BICD1: variants seen among roughly 807,000 people sequenced by gnomAD.
BICD1 encodes the protein BICD cargo adaptor 1.
BICD1 carries 35 observed loss-of-function variants against 92.5 expected under a neutral mutation model. The observed-to-expected ratio is 0.38, with a 90% CI of 0.29 to 0.50. The LOEUF (loss-of-function observed/expected upper bound fraction) is 0.50. BICD1 is among the 20% of genes least tolerant of loss of function. BICD1 has a pLI of 0.93. For synonymous variants in BICD1, 429 were observed against 465.1 expected, an observed-to-expected ratio of 0.92 and a Z score of 1.00; for missense variants, 950 against 1,189.8, an observed-to-expected ratio of 0.80 and a Z score of 2.97.
At chr12:32,246,825 C>A (rs1946401092) in intron 2 of BICD1, among the ~76,000 whole-genome samples, 1 of 152,096 alleles carries the variant, frequency 6.6e-6, no homozygotes, top group Admixed American at 6.5e-5. Context: ...ATGAAACTTA[C>A]AGTCAAGTGT....
Position 32,153,773 on chromosome 12 carries a change from A to T in BICD1, c.213+46229A>T, listed in dbSNP as rs552170283. On this transcript the variant is annotated intron_variant, in intron 1 of 9. Transcript: ENST00000652176. ...TTTGTATATATATGTGTGTGTACAT[A>T]TATATATATGTGTGTGTGTGTGTGT... Among the ~76,000 whole-genome samples, 26 of 148,846 alleles carry T rather than the reference A, an allele frequency of 1.7e-4. No homozygotes were observed. In the South Asian group the frequency reaches 5.4e-3, roughly 31 times the overall value.
intron 2 of BICD1, among the ~76,000 whole-genome samples, chr12:32,217,419 TATAAG>T: frequency 6.6e-6 from 1 of 152,212 alleles, no homozygotes; most frequent in Non-Finnish European, 1.5e-5. Flanking sequence ...GCTTCACTAT[TATAAG>T]ATATAAGTTG....
chr12:32,206,728 A>G (rs189593169), intron 1 of BICD1, among the ~76,000 whole-genome samples: 1 of 152,364 alleles, frequency 6.6e-6, no homozygotes. Flanking sequence ...AAGACTGGAA[A>G]CAATCCAATC....
intron 8 of BICD1, among the ~76,000 whole-genome samples, chr12:32,355,385 A>G (rs1184688216): frequency 1.3e-5 from 2 of 152,302 alleles, no homozygotes; most frequent in East Asian, 1.9e-4. Context: ...ATTCCCTAGC[A>G]AAGTGTTGTG....
chr12:32,294,747 G>A (rs75383163), intron 3 of BICD1, among the ~76,000 whole-genome samples: 3,060 of 151,778 alleles, frequency 0.02, 116 homozygotes, highest in African/African-American at 0.07. Context: ...AAATCGTAGA[G>A]GGGAATGGAT....
At chr12:32,110,633 G>A (rs1026577180) in intron 1 of BICD1, among the ~76,000 whole-genome samples, 4 of 152,098 alleles carry the variant, frequency 2.6e-5, no homozygotes, top group African/African-American at 9.7e-5. Context: ...AGCACTGTGC[G>A]CCTGTCACCC....
At chr12:32,302,196 A>AT (rs1319965770) in intron 3 of BICD1, among the ~76,000 whole-genome samples, 3 of 152,166 alleles carry the variant, frequency 2.0e-5, no homozygotes, top group East Asian at 3.9e-4. Context: ...CGAACTTTTG[A>AT]TTTTTTTAAA....
rs773856321 is a variant in BICD1 at position 32,165,015 on chromosome 12, A to G, written c.214-51232A>G. 6.2e-4 allele frequency among the ~76,000 whole-genome samples: 94 copies of G among 152,168 alleles called. 1 individual carries two copies. Among genetic ancestry groups the G allele is most frequent in the Non-Finnish European group, 1.1e-3 (76 of 68,024 alleles). Reference sequence around the variant, plus strand: ...TGACACTGCTCTGCTTTGCTGAAGCACAGGGAGGTCTCTCGAGAAAGATCC... The same window carrying G: ...TGACACTGCTCTGCTTTGCTGAAGCGCAGGGAGGTCTCTCGAGAAAGATCC... On this transcript the variant is annotated intron_variant, in intron 1 of 9. Coordinates refer to ENST00000652176, the MANE Select transcript of BICD1 (RefSeq NM_001714.4).
intron 1 of BICD1, among the ~76,000 whole-genome samples, chr12:32,148,142 C>CAAAAAAAAAAAAA (rs10525262): frequency 0.45 from 27,081 of 59,988 alleles, 6,489 homozygotes; most frequent in Admixed American, 0.56. Flanking sequence ...ACTCCGTCTC[C>CAAAAAAAAAAAAA]AAAAAAAAAA....
intron 1 of BICD1, among the ~76,000 whole-genome samples, chr12:32,121,488 G>A (rs1214545028): frequency 6.6e-6 from 1 of 151,834 alleles, no homozygotes. Flanking sequence ...AGCTACTTGG[G>A]AGGCTGAGGC....
In BICD1 at chr12:32,334,645, C is replaced by G; in HGVS notation, c.2230C>G (p.Leu744Val). Reference sequence around the variant, plus strand: ...AGAAGATGCTGCAACCTTCTCATCCCTGAGAGCAATGTTTGCAACAAGGTA... The same window carrying G: ...AGAAGATGCTGCAACCTTCTCATCCGTGAGAGCAATGTTTGCAACAAGGTA... ...LKEDAATFSSLRAMFATRCDE... is the reference protein window; with the variant it reads ...LKEDAATFSSVRAMFATRCDE... Residue 744 changes from leucine (L) to valine (V), a missense_variant, in exon 6 of 10, where the codon CTG becomes GTG. Transcript: ENST00000652176. The G allele has an allele frequency of 1.9e-6, 3 of 1,611,966 alleles. No homozygotes were observed. Among genetic ancestry groups the G allele is most frequent in the Middle Eastern group, 1.7e-4 (1 of 6,056 alleles).
At chr12:32,185,559 C>T (rs1331294726) in intron 1 of BICD1, among the ~76,000 whole-genome samples, 4 of 152,298 alleles carry the variant, frequency 2.6e-5, no homozygotes, top group South Asian at 2.1e-4. Context: ...TGGGAACACA[C>T]ACAATGGTTC....
intron 1 of BICD1, among the ~76,000 whole-genome samples, chr12:32,148,517 C>T (rs183846738): frequency 5.3e-4 from 80 of 152,262 alleles, no homozygotes; most frequent in African/African-American, 1.8e-3. Context: ...GCAAGAGCGT[C>T]CTCGAGCCTG....
At chr12:32,191,548 A>C (rs1056359621) in intron 1 of BICD1, among the ~76,000 whole-genome samples, 1 of 148,342 alleles carries the variant, frequency 6.7e-6, no homozygotes, top group Non-Finnish European at 1.5e-5. Context: ...CAATATATCA[A>C]AGTTTTTCAT....
At position 32,365,185 on chromosome 12, in the gene BICD1, C is replaced by G. The variant is rs910235204; in HGVS notation, c.2765-2485C>G. On this transcript the variant is annotated intron_variant, in intron 8 of 9. Coordinates refer to ENST00000652176, the MANE Select transcript of BICD1 (RefSeq NM_001714.4). ...CCAGGAGGCGGAGATTGCAGTGAGC[C>G]GAGATTGTGCCATTGCACTCCAGCC... 3.3e-5 allele frequency among the ~76,000 whole-genome samples: 5 copies of G among 151,926 alleles called. No individual in the cohort carries two copies. In the South Asian group the frequency reaches 1.0e-3, roughly 32 times the overall value.
intron 2 of BICD1, among the ~76,000 whole-genome samples, chr12:32,225,384 G>T (rs977939224): frequency 6.6e-6 from 1 of 152,074 alleles, no homozygotes; most frequent in Non-Finnish European, 1.5e-5. Flanking sequence ...GTTATTTTCA[G>T]ATTTTGGTGA....
chr12:32,146,164 G>T (rs1159750374), intron 1 of BICD1, among the ~76,000 whole-genome samples: 1 of 152,196 alleles, frequency 6.6e-6, no homozygotes, highest in Admixed American at 6.5e-5. Flanking sequence ...TAAGTTGACA[G>T]TTATTTATCA....
chr12:32,329,458 G>A (rs184423813), intron 5 of BICD1, among the ~76,000 whole-genome samples: 24 of 152,246 alleles, frequency 1.6e-4, no homozygotes, highest in African/African-American at 5.3e-4. Context: ...AAACAAGAGC[G>A]CTAAATAAAT....
intron 1 of BICD1, among the ~76,000 whole-genome samples, chr12:32,174,104 CTA>C (rs1428529294): frequency 6.6e-6 from 1 of 151,938 alleles, no homozygotes; most frequent in African/African-American, 2.4e-5. Flanking sequence ...AGTTCTTTGT[CTA>C]TTATAAATAT....
Sources: gnomAD v4.1 joint callset for allele counts (sites outside exome capture counted in the v4.1 genomes callset) on GRCh38, gnomAD v4.1.1 for gene constraint, MANE v1.5 for transcripts, NCBI Gene and HGNC (gene_info 2026-07-23, HGNC 2026-07-21) for gene names.